LARGE1: variants seen among roughly 807,000 people sequenced by gnomAD.
The protein encoded by LARGE1 is LARGE xylosyl- and glucuronyltransferase 1.
In LARGE1, 43 loss-of-function variants were observed where a neutral mutation model predicts 87.6. The observed-to-expected ratio is 0.49, with a 90% CI of 0.38 to 0.63. The LOEUF is 0.63. Ranked by LOEUF, LARGE1 falls within the 30% of genes least tolerant of loss-of-function variation. The pLI, the probability that LARGE1 is intolerant of heterozygous loss-of-function variation, is 0.00. For missense variants in LARGE1, 802 were observed against 1,000.2 expected, an observed-to-expected ratio of 0.80 and a Z score of 2.67; for synonymous variants, 434 against 394.6, an observed-to-expected ratio of 1.10 and a Z score of -1.18.
At chr22:33,671,875 C>T (rs937923455) in intron 2 of LARGE1, among the ~76,000 whole-genome samples, 1 of 152,086 alleles carries the variant, frequency 6.6e-6, no homozygotes, top group Non-Finnish European at 1.5e-5. Flanking sequence ...AGAATGGTGG[C>T]CATTCTTGTC....
chr22:33,246,116 G>T (rs1303404259), intron 11 of LARGE1, among the ~76,000 whole-genome samples: 2 of 152,090 alleles, frequency 1.3e-5, no homozygotes, highest in Non-Finnish European at 1.5e-5. Context: ...AACCTCTTTG[G>T]ACATCCAGTA....
At chr22:33,850,083 G>C (rs1367510876) in intron 1 of LARGE1, among the ~76,000 whole-genome samples, 1 of 152,108 alleles carries the variant, frequency 6.6e-6, no homozygotes, top group Non-Finnish European at 1.5e-5. Context: ...AAAGTAAAAG[G>C]AGGACCATAC....
At chr22:33,821,952 GT>G (rs11425081) in intron 1 of LARGE1, among the ~76,000 whole-genome samples, 190 of 137,660 alleles carry the variant, frequency 1.4e-3, no homozygotes, top group East Asian at 1.7e-3. Flanking sequence ...ACTTTTTTAG[GT>G]TTTTTTTTTT....
the LARGE1 span, among the ~76,000 whole-genome samples, chr22:33,143,786 C>A: frequency 0.42 from 64,060 of 151,954 alleles, 13,944 homozygotes; most frequent in South Asian, 0.68. Flanking sequence ...AAATCATTCA[C>A]ATTAAATCAG....
chr22:33,289,116 A>G (rs911143012), intron 12 of LARGE1, among the ~76,000 whole-genome samples: 21 of 151,810 alleles, frequency 1.4e-4, no homozygotes, highest in Non-Finnish European at 1.8e-4. Context: ...CCGCCACCAC[A>G]CCCAGCTAAT....
the LARGE1 span, among the ~76,000 whole-genome samples, chr22:33,132,065 A>T: frequency 5.9e-5 from 9 of 151,534 alleles, no homozygotes; most frequent in Non-Finnish European, 1.3e-4. Context: ...ATCACCTTCC[A>T]CCAGGTTCCT....
chr22:33,592,918 C>A (rs2078882777), intron 5 of LARGE1, among the ~76,000 whole-genome samples: 2 of 152,128 alleles, frequency 1.3e-5, no homozygotes, highest in Admixed American at 6.5e-5. Context: ...TGGCTCACTG[C>A]AAGCTCTGCC....
chr22:33,910,226 A>G (rs976758495), intron 1 of LARGE1, among the ~76,000 whole-genome samples: 6 of 152,206 alleles, frequency 3.9e-5, no homozygotes, highest in African/African-American at 1.4e-4. Context: ...TTAATATAAT[A>G]AATGTTGAGT....
At chr22:33,323,856 C>G (rs1412215586) in intron 10 of LARGE1, among the ~76,000 whole-genome samples, 1 of 152,116 alleles carries the variant, frequency 6.6e-6, no homozygotes, top group Non-Finnish European at 1.5e-5. Context: ...TATTATGTAC[C>G]TTTTCAAATT....
chr22:33,367,463 G>A (rs2064639111), intron 9 of LARGE1, among the ~76,000 whole-genome samples: 1 of 152,140 alleles, frequency 6.6e-6, no homozygotes, highest in Non-Finnish European at 1.5e-5. Flanking sequence ...TGTTACCCAG[G>A]CTGTAGTACG....
chr22:33,144,906 C>T, the LARGE1 span, among the ~76,000 whole-genome samples: 1 of 152,046 alleles, frequency 6.6e-6, no homozygotes. Flanking sequence ...GGCTGCAAGT[C>T]CCCAAGAAAC....
chr22:33,396,146 C>T (rs1255859949), intron 7 of LARGE1, among the ~76,000 whole-genome samples: 1 of 152,264 alleles, frequency 6.6e-6, no homozygotes, highest in Non-Finnish European at 1.5e-5. Context: ...ATCCTATGGA[C>T]ACAGCGCAGC....
intron 6 of LARGE1, among the ~76,000 whole-genome samples, chr22:33,508,259 T>C (rs1421768925): frequency 6.6e-6 from 1 of 152,126 alleles, no homozygotes; most frequent in Non-Finnish European, 1.5e-5. Context: ...CTGGTGGGTG[T>C]CACCCTGGGC....
rs184663345 is a variant in LARGE1 at position 33,504,501 on chromosome 22, C to T, written c.787+60347G>A. Among the ~76,000 whole-genome samples the T allele has an allele frequency of 5.3e-3, 803 of 152,320 alleles. 6 individuals are homozygous for T. The highest frequency in any genetic ancestry group is 0.018 in the African/African-American group (748 of 41,564). ...TCTCAAACTCCTGACCTCAGGTGAT[C>T]CACCCGCCTCGGCCTCCCAAGGTAC... On this transcript the variant is annotated intron_variant, in intron 6 of 14. Transcript: ENST00000397394.
At chr22:33,403,664 C>T (rs545365904) in intron 7 of LARGE1, among the ~76,000 whole-genome samples, 5 of 151,956 alleles carry the variant, frequency 3.3e-5, no homozygotes, top group African/African-American at 9.7e-5. Context: ...AGTGTAGTGG[C>T]GCGATCTCGG....
In LARGE1 at chr22:33,835,468, G is replaced by A. The variant is rs560632951; in HGVS notation, c.-82-73910C>T. On this transcript the variant is annotated intron_variant, in intron 1 of 14. Transcript: ENST00000397394. ...CACAGTCATGTTAATTAATGCATCG[G>A]ATGGCATTCAGGATAAAAACCGAAA... Among the ~76,000 whole-genome samples the A allele has an allele frequency of 2.6e-5, 4 of 152,308 alleles. No individual in the cohort carries two copies. In the East Asian group the frequency reaches 7.7e-4, roughly 29 times the overall value.
rs571349981 is a variant in LARGE1 at position 33,313,671 on chromosome 22, A to G, written c.1451+2414T>C. Among the ~76,000 whole-genome samples the G allele has an allele frequency of 6.6e-5, 10 of 152,234 alleles. No homozygotes were observed. The East Asian group carries it at 1.7e-3, about 27-fold the overall frequency. ...CTAGGAACTGAGCGTGGCTTCGAGG[A>G]GCTGAGGGGGACACCCATCAACAGC... is the stretch of plus-strand genomic sequence containing the variant. On this transcript the variant is annotated intron_variant, in intron 11 of 14. Transcript: ENST00000397394.
the LARGE1 span, among the ~76,000 whole-genome samples, chr22:33,129,522 C>G: frequency 6.6e-6 from 1 of 152,020 alleles, no homozygotes; most frequent in Non-Finnish European, 1.5e-5. Context: ...TACCCTAAAA[C>G]TTAAAGTATA....
At chr22:33,771,743 C>CCCA (rs1569438647) in intron 1 of LARGE1, among the ~76,000 whole-genome samples, 4 of 152,276 alleles carry the variant, frequency 2.6e-5, no homozygotes, top group Middle Eastern at 3.4e-3. Flanking sequence ...ACTGGATAAA[C>CCCA]CCACATGCAT....
Sources: gnomAD v4.1 joint callset for allele counts (sites outside exome capture counted in the v4.1 genomes callset) on GRCh38, gnomAD v4.1.1 for gene constraint, MANE v1.5 for transcripts, NCBI Gene and HGNC (gene_info 2026-07-23, HGNC 2026-07-21) for gene names.